Variants in LTBP1 observed in about 807,000 individuals in gnomAD.
LTBP1 encodes the protein latent transforming growth factor beta binding protein 1.
A neutral mutation model predicts 207.6 loss-of-function variants in LTBP1; 129 were observed. The observed-to-expected ratio is 0.62, with a 90% CI of 0.54 to 0.72. LTBP1 has a LOEUF of 0.72. Among genes scored for constraint, LTBP1 ranks in the 30% least tolerant of loss-of-function variants. LTBP1 has a pLI of 0.00. For synonymous variants in LTBP1, 963 were observed against 833.7 expected, an observed-to-expected ratio of 1.16 and a Z score of -2.67; for missense variants, 2,281 against 2,217.2, an observed-to-expected ratio of 1.03 and a Z score of -0.58.
intron 26 of LTBP1, among the ~76,000 whole-genome samples, chr2:33,355,240 T>C (rs544909880): frequency 9.2e-5 from 14 of 152,084 alleles, no homozygotes; most frequent in African/African-American, 2.2e-4. Flanking sequence ...TTCTGACTCA[T>C]CTCAGTGTAC....
At position 33,222,170 on chromosome 2, in the gene LTBP1, A is replaced by C; in HGVS notation, c.1876+19A>C. On this transcript the variant is annotated intron_variant, in intron 9 of 33. Transcript: ENST00000404816. ...TGCCAAGGTAAGACTAACTGAATTC[A>C]TTGATGTGGACTCAACAGTTGTTTT... 6.4e-7 allele frequency: 1 copy of C among 1,561,702 alleles called. No individual in the cohort carries two copies. The highest frequency in any genetic ancestry group is 1.3e-5 in the African/African-American group (1 of 74,444).
chr2:33,051,041 C>T (rs766703439), intron 3 of LTBP1, among the ~76,000 whole-genome samples: 7 of 152,126 alleles, frequency 4.6e-5, no homozygotes, highest in African/African-American at 7.2e-5. Context: ...TTGAGGTTTC[C>T]TCAGCCAGAA....
At chr2:33,294,628 G>A (rs1242838361) in intron 20 of LTBP1, among the ~76,000 whole-genome samples, 7 of 141,574 alleles carry the variant, frequency 4.9e-5, no homozygotes, top group Admixed American at 4.5e-4. Context: ...GCCCAGGCTA[G>A]AGTGCAGTAG....
intron 11 of LTBP1, among the ~76,000 whole-genome samples, chr2:33,253,761 G>A (rs186556255): frequency 6.6e-6 from 1 of 151,942 alleles, no homozygotes; most frequent in Non-Finnish European, 1.5e-5. Flanking sequence ...GAACCAGAAA[G>A]AACTGTGTTA....
intron 31 of LTBP1, among the ~76,000 whole-genome samples, chr2:33,387,983 G>A (rs180813444): frequency 8.5e-5 from 13 of 152,302 alleles, no homozygotes; most frequent in Non-Finnish European, 1.5e-4. Flanking sequence ...GTTGACATCC[G>A]TGGAGCCCCA....
At chr2:33,170,195 G>C (rs1407487628) in intron 5 of LTBP1, among the ~76,000 whole-genome samples, 2 of 152,172 alleles carry the variant, frequency 1.3e-5, no homozygotes, top group African/African-American at 4.8e-5. Flanking sequence ...CCGAAGCAGG[G>C]CGAGGCATTG....
rs532399561 is a variant in LTBP1 at position 33,381,548 on chromosome 2, A to G, written c.4712-7636A>G. Among the ~76,000 whole-genome samples, 494 of 152,346 alleles carry G rather than the reference A, an allele frequency of 3.2e-3. 6 individuals carry two copies. The highest frequency in any genetic ancestry group is 2.3e-3 in the Non-Finnish European group (156 of 68,026). On this transcript the variant is annotated intron_variant, in intron 31 of 33. Transcript: ENST00000404816. ...CATTACTTCCCTGTCCTCGACAAGT[A>G]CAATTTAATTGAACATTAAGCAATT...
chr2:33,194,243 C>G (rs1318264208), intron 7 of LTBP1, among the ~76,000 whole-genome samples: 1 of 151,986 alleles, frequency 6.6e-6, no homozygotes, highest in Non-Finnish European at 1.5e-5. Flanking sequence ...CCTCGGCCTC[C>G]CAAAGTGCTG....
chr2:33,268,712 A>G (rs954319395), intron 15 of LTBP1, among the ~76,000 whole-genome samples: 3 of 152,248 alleles, frequency 2.0e-5, no homozygotes, highest in African/African-American at 7.2e-5. Context: ...CAAAGTGGAA[A>G]CATCTGTTTC....
At chr2:33,317,421 A>G (rs1414866452) in intron 24 of LTBP1, among the ~76,000 whole-genome samples, 1 of 152,220 alleles carries the variant, frequency 6.6e-6, no homozygotes, top group Non-Finnish European at 1.5e-5. Flanking sequence ...TAAGTTCTGC[A>G]TGAATTTTAT....
chr2:33,162,949 G>C (rs74662398), intron 5 of LTBP1, among the ~76,000 whole-genome samples: 1 of 152,108 alleles, frequency 6.6e-6, no homozygotes, highest in Non-Finnish European at 1.5e-5. Context: ...GTTCCTTTTA[G>C]ATCTGAGAAA....
intron 5 of LTBP1, among the ~76,000 whole-genome samples, chr2:33,174,495 T>G (rs986908594): frequency 2.0e-5 from 3 of 151,538 alleles, no homozygotes; most frequent in Admixed American, 6.6e-5. Flanking sequence ...CACTGCTCAA[T>G]GAAATAAAAG....
intron 24 of LTBP1, among the ~76,000 whole-genome samples, chr2:33,319,456 C>T (rs576613194): frequency 1.3e-5 from 2 of 152,200 alleles, no homozygotes; most frequent in East Asian, 3.9e-4. Flanking sequence ...GATTCGGTCT[C>T]TTCATCATCA....
At chr2:33,125,354 C>A (rs1460506899) in intron 4 of LTBP1, among the ~76,000 whole-genome samples, 1 of 152,182 alleles carries the variant, frequency 6.6e-6, no homozygotes, top group African/African-American at 2.4e-5. Context: ...TTGCTCTCTG[C>A]AGCCTAGTAG....
Position 33,182,729 on chromosome 2 carries a change from CACACACAGACATAT to C in LTBP1, c.1202-4125_1202-4112del, listed in dbSNP as rs1368414083. The stretch of plus-strand genomic sequence containing the variant: ...ACACACACACACACACACACACACA[CACACACAGACATAT>C]ATATGTATGTATGTGTACACATACA... On this transcript the variant is annotated intron_variant, in intron 5 of 33. Coordinates refer to ENST00000404816, the MANE Select transcript of LTBP1 (RefSeq NM_206943.4). 1.6e-4 allele frequency among the ~76,000 whole-genome samples: 16 copies of C among 97,762 alleles called. 3 individuals carry two copies. Among genetic ancestry groups the C allele is most frequent in the African/African-American group, 5.6e-4 (13 of 23,134 alleles). The allele number at this position is 97,762 out of a possible 152,430, so 64.1% of individuals were successfully genotyped here.
chr2:33,116,176 C>T (rs1199877578), intron 4 of LTBP1, among the ~76,000 whole-genome samples: 1 of 152,208 alleles, frequency 6.6e-6, no homozygotes, highest in Non-Finnish European at 1.5e-5. Flanking sequence ...ATTAGCGAAG[C>T]TCCAATTTAA....
rs2095366659 is a variant in LTBP1 at position 33,397,213 on chromosome 2, G to A, written c.4915G>A (p.Val1639Ile). The change falls in exon 33 of 34, where the codon GTC (valine) becomes ATC (isoleucine). Residue 1639 changes from valine to isoleucine, a missense_variant. Coordinates refer to ENST00000404816, the MANE Select transcript of LTBP1 (RefSeq NM_206943.4). Reference sequence around the variant, plus strand: ...ATGTGAAAATGGTCGCTGTGTGAGGGTCCAGGAAGGTTACACCTGCGATTG... The same window carrying A: ...ATGTGAAAATGGTCGCTGTGTGAGGATCCAGGAAGGTTACACCTGCGATTG... ...NGCENGRCVR[V>I]QEGYTCDCFD... 1.2e-6 allele frequency: 2 copies of A among 1,614,138 alleles called. No homozygotes were observed.
At chr2:33,042,238 C>G (rs2076224969) in intron 3 of LTBP1, among the ~76,000 whole-genome samples, 1 of 152,152 alleles carries the variant, frequency 6.6e-6, no homozygotes, top group Non-Finnish European at 1.5e-5. Context: ...TTTAACAGAA[C>G]TTTCTTTTCA....
At chr2:33,291,255 G>T (rs943727547) in intron 19 of LTBP1, among the ~76,000 whole-genome samples, 2 of 152,198 alleles carry the variant, frequency 1.3e-5, no homozygotes, top group Non-Finnish European at 2.9e-5. Flanking sequence ...ATGGTAATCT[G>T]CAGTGTCTGT....
Sources: gnomAD v4.1 joint callset for allele counts (sites outside exome capture counted in the v4.1 genomes callset) on GRCh38, gnomAD v4.1.1 for gene constraint, MANE v1.5 for transcripts, NCBI Gene and HGNC (gene_info 2026-07-23, HGNC 2026-07-21) for gene names.